CUBN: variants seen among roughly 807,000 people sequenced by gnomAD.
The protein encoded by CUBN is 460 kDa receptor.
A neutral mutation model predicts 405.3 loss-of-function variants in CUBN; 282 were observed. The ratio of observed to expected loss-of-function variants is 0.70; its 90% confidence interval spans 0.63 to 0.77. CUBN has a LOEUF of 0.77. CUBN is among the 30% of genes least tolerant of loss of function. The pLI, the probability that CUBN is intolerant of heterozygous loss-of-function variation, is 0.00. For synonymous variants in CUBN, 1,684 were observed against 1,617.0 expected, an observed-to-expected ratio of 1.04 and a Z score of -0.99; for missense variants, 4,514 against 4,475.2, an observed-to-expected ratio of 1.01 and a Z score of -0.25.
chr10:17,001,423 T>A (rs1833880095), intron 28 of CUBN, among the ~76,000 whole-genome samples: 1 of 152,198 alleles, frequency 6.6e-6, no homozygotes, highest in Non-Finnish European at 1.5e-5. Flanking sequence ...TGGTCCGTTT[T>A]ACAGGGTGCT....
chr10:16,982,220 T>C (rs1425475738), intron 31 of CUBN, among the ~76,000 whole-genome samples: 1 of 152,098 alleles, frequency 6.6e-6, no homozygotes, highest in Non-Finnish European at 1.5e-5. Flanking sequence ...TTTTTGACAA[T>C]GAAGTAACAA....
intron 54 of CUBN, among the ~76,000 whole-genome samples, chr10:16,892,006 A>G (rs185596310): frequency 1.3e-5 from 2 of 152,198 alleles, no homozygotes; most frequent in African/African-American, 2.4e-5. Context: ...GAATGATACC[A>G]AATTACTCAT....
At chr10:17,091,333 A>C (rs938089325) in intron 14 of CUBN, among the ~76,000 whole-genome samples, 3 of 152,200 alleles carry the variant, frequency 2.0e-5, no homozygotes, top group Admixed American at 2.0e-4. Context: ...AAAACAAAAC[A>C]AAATAAAATG....
At position 16,899,209 on chromosome 10, in the gene CUBN, A is replaced by G. The variant is rs745858436; in HGVS notation, c.8411-26T>C. 16 of 1,587,990 alleles carry G rather than the reference A, an allele frequency of 1.0e-5. No homozygotes were observed. The East Asian group carries it at 2.2e-4, about 22-fold the overall frequency. On this transcript the variant is annotated intron_variant, in intron 53 of 66. Transcript: ENST00000377833. Reference sequence around the variant, plus strand: ...CTGAAATATTGCCATGTAAAAAGCCATCAATCAGCAAGGAAAGTAATTTTG... The same window carrying G: ...CTGAAATATTGCCATGTAAAAAGCCGTCAATCAGCAAGGAAAGTAATTTTG...
intron 58 of CUBN, among the ~76,000 whole-genome samples, chr10:16,873,088 C>G (rs1278132453): frequency 5.3e-5 from 8 of 152,092 alleles, no homozygotes; most frequent in Non-Finnish European, 1.0e-4. Flanking sequence ...AAAATGATCA[C>G]AGACAAATAG....
At chr10:17,005,179 G>A (rs1165863244) in intron 28 of CUBN, among the ~76,000 whole-genome samples, 3 of 152,120 alleles carry the variant, frequency 2.0e-5, no homozygotes, top group Non-Finnish European at 2.9e-5. Context: ...TTCTTGTGAT[G>A]TTTCCTATCA....
At chr10:17,035,661 A>G (rs982277720) in intron 27 of CUBN, among the ~76,000 whole-genome samples, 2 of 152,236 alleles carry the variant, frequency 1.3e-5, no homozygotes, top group South Asian at 2.1e-4. Flanking sequence ...GCCATAAAAA[A>G]GAGCAAGATC....
chr10:16,968,408 T>A (rs1564452915), intron 31 of CUBN, among the ~76,000 whole-genome samples: 1 of 152,154 alleles, frequency 6.6e-6, no homozygotes, highest in Admixed American at 6.5e-5. Flanking sequence ...ACTAATCATA[T>A]TGCTTTTGCT....
At chr10:16,932,347 T>C (rs1434938982) in intron 40 of CUBN, among the ~76,000 whole-genome samples, 1 of 152,188 alleles carries the variant, frequency 6.6e-6, no homozygotes. Flanking sequence ...GGGGCCACAC[T>C]GAGAAATACT....
chr10:16,906,246 T>C lies in CUBN; in HGVS notation c.7869A>G (p.Glu2623=), dbSNP rs1485902817. 3 of 1,614,062 alleles carry C rather than the reference T, an allele frequency of 1.9e-6. No individual in the cohort carries two copies. In the African/African-American group the frequency reaches 4.0e-5, roughly 22 times the overall value. The change falls in exon 50 of 67, where the codon GAA becomes GAG. Residue 2623 remains glutamate (E), a synonymous_variant. Coordinates refer to ENST00000377833, the MANE Select transcript of CUBN (RefSeq NM_001081.4). ...ISIHFEDFYL[E]SHQDCQFDVL... The stretch of plus-strand genomic sequence containing the variant: ...CATCAAATTGACAGTCTTGGTGACT[T>C]TCTAGGTAAAAATCTTCAAAGTGAA...
At chr10:17,085,539 G>A (rs1248983320) in intron 16 of CUBN, 58 bp downstream of exon 16, 7 of 1,475,770 alleles carry the variant, frequency 4.7e-6, no homozygotes, top group Non-Finnish European at 6.6e-6. Flanking sequence ...TAAAACAGAT[G>A]TAAGCATAGC....
intron 56 of CUBN, among the ~76,000 whole-genome samples, chr10:16,883,340 C>T (rs954568564): frequency 6.6e-6 from 1 of 152,192 alleles, no homozygotes; most frequent in Non-Finnish European, 1.5e-5. Context: ...AGGGATTTCA[C>T]AGAAACTACA....
At position 16,919,683 on chromosome 10, in the gene CUBN, G is replaced by C. The variant is rs72773207; in HGVS notation, c.6821+280C>G. 0.055 allele frequency among the ~76,000 whole-genome samples: 8,325 copies of C among 152,206 alleles called. 332 individuals carry two copies. Among genetic ancestry groups the C allele is most frequent in the Non-Finnish European group, 0.086 (5,862 of 68,010 alleles). On this transcript the variant is annotated intron_variant, in intron 44 of 66. Transcript: ENST00000377833. The stretch of plus-strand genomic sequence containing the variant: ...TCAGAAACATGATATATTTCCTGTG[G>C]GAGGAAGAATGGATAACATCAATCT...
intron 31 of CUBN, among the ~76,000 whole-genome samples, chr10:16,976,376 T>A (rs757113688): frequency 4.6e-5 from 7 of 152,180 alleles, no homozygotes; most frequent in East Asian, 1.9e-4. Flanking sequence ...TTTAAAAAAA[T>A]TTTTTTTACT....
chr10:16,952,132 G>A, intron 33 of CUBN, 144 bp downstream of exon 33: 1 of 675,776 alleles, frequency 1.5e-6, no homozygotes, highest in Non-Finnish European at 2.8e-6. Flanking sequence ...TTGTTCTTAA[G>A]CACATCAGGA....
At chr10:16,991,434 A>C (rs1359840065) in intron 28 of CUBN, among the ~76,000 whole-genome samples, 1 of 152,214 alleles carries the variant, frequency 6.6e-6, no homozygotes, top group Non-Finnish European at 1.5e-5. Flanking sequence ...TATACCGCAC[A>C]GGCTCTCAAA....
At position 17,129,760 on chromosome 10, in the gene CUBN, C is replaced by A; in HGVS notation, c.6G>T (p.Met2Ile). 1 of 1,614,058 alleles carries A rather than the reference C, an allele frequency of 6.2e-7. No individual in the cohort carries two copies. Among genetic ancestry groups the A allele is most frequent in the South Asian group, 1.1e-5 (1 of 91,042 alleles). MMNMSLPFLWSL... is the reference protein window; with the variant it reads MINMSLPFLWSL... ...TCCAAAGAAAAGGTAAAGACATGTT[C>A]ATCATCAACCTCCCAGGTTGGCAGG... The change falls in exon 1 of 67, where the codon ATG becomes ATT. Residue 2 changes from methionine (M) to isoleucine (I), a missense_variant. Met to Ile is a conservative substitution (Grantham distance 10). Coordinates refer to ENST00000377833, the MANE Select transcript of CUBN (RefSeq NM_001081.4).
At chr10:17,070,943 C>A (rs1312702682) in intron 19 of CUBN, among the ~76,000 whole-genome samples, 1 of 152,038 alleles carries the variant, frequency 6.6e-6, no homozygotes, top group East Asian at 1.9e-4. Context: ...TTTTTGTGAC[C>A]ATAGGGGCAA....
At position 16,882,559 on chromosome 10, in the gene CUBN, A is replaced by G. The variant is rs534397928; in HGVS notation, c.8906-5462T>C. 5.3e-5 allele frequency among the ~76,000 whole-genome samples: 8 copies of G among 152,366 alleles called. No homozygotes were observed. In the South Asian group the frequency reaches 1.7e-3, roughly 32 times the overall value. On this transcript the variant is annotated intron_variant, in intron 56 of 66. Transcript: ENST00000377833. ...AAACTAAGGATGAGTAATTCCACAAATAGAATAAACTTGTGGGATTTAGAG... is the reference window on the plus strand; with the variant it reads ...AAACTAAGGATGAGTAATTCCACAAGTAGAATAAACTTGTGGGATTTAGAG...
Sources: allele counts gnomAD v4.1 joint callset (sites outside exome capture counted in the v4.1 genomes callset), GRCh38; gene constraint gnomAD v4.1.1; transcripts MANE v1.5; gene names NCBI Gene and HGNC (gene_info 2026-07-23, HGNC 2026-07-21).